Variants in AKT3 observed in about 807,000 individuals in gnomAD.
The protein encoded by AKT3 is RAC-gamma serine/threonine-protein kinase.
In AKT3, 15 loss-of-function variants were observed where a neutral mutation model predicts 65.3. The observed-to-expected ratio is 0.23, with a 90% CI of 0.15 to 0.35. AKT3 has a LOEUF of 0.35. AKT3 is among the 10% of genes least tolerant of loss of function. The pLI is 1.00. For synonymous variants in AKT3, 206 were observed against 183.8 expected, an observed-to-expected ratio of 1.12 and a Z score of -0.98; for missense variants, 243 against 576.5, an observed-to-expected ratio of 0.42 and a Z score of 5.92.
At chr1:243,844,487 AT>A (rs909581675) in intron 1 of AKT3, among the ~76,000 whole-genome samples, 21 of 151,834 alleles carry the variant, frequency 1.4e-4, no homozygotes, top group Non-Finnish European at 2.8e-4. Context: ...TCCAAAAAAA[AT>A]TTTTTTTTGA....
At chr1:243,743,529 C>T (rs1329448684) in intron 2 of AKT3, among the ~76,000 whole-genome samples, 1 of 152,114 alleles carries the variant, frequency 6.6e-6, no homozygotes, top group Non-Finnish European at 1.5e-5. Flanking sequence ...CACAACTTAT[C>T]AAATACAGAG....
intron 8 of AKT3, among the ~76,000 whole-genome samples, chr1:243,597,619 G>C (rs1027736897): frequency 6.6e-6 from 1 of 152,136 alleles, no homozygotes; most frequent in African/African-American, 2.4e-5. Context: ...TCCCACTTCA[G>C]TCTCTCGAGT....
intron 2 of AKT3, among the ~76,000 whole-genome samples, chr1:243,713,079 C>T (rs1030114307): frequency 1.2e-4 from 18 of 152,172 alleles, no homozygotes; most frequent in Admixed American, 9.8e-4. Flanking sequence ...TACCTCACCC[C>T]TAGTGGTAGG....
At chr1:243,772,165 C>T (rs1690226929) in intron 2 of AKT3, among the ~76,000 whole-genome samples, 1 of 152,100 alleles carries the variant, frequency 6.6e-6, no homozygotes, top group Non-Finnish European at 1.5e-5. Context: ...AAAGCAATGG[C>T]AACAAAAGCC....
At chr1:243,688,733 T>C (rs557118624) in intron 3 of AKT3, among the ~76,000 whole-genome samples, 5 of 152,272 alleles carry the variant, frequency 3.3e-5, no homozygotes, top group East Asian at 1.9e-4. Flanking sequence ...TTTAAAAAAA[T>C]TGAATACTGA....
Position 243,695,643 on chromosome 1 carries a change from C to T in AKT3, c.120G>A (p.Glu40=), listed in dbSNP as rs2148025321. 7 of 1,607,560 alleles carry T rather than the reference C, an allele frequency of 4.4e-6. No homozygotes were observed. Among genetic ancestry groups the T allele is most frequent in the East Asian group, 2.2e-5 (1 of 44,532 alleles). Residue 40 remains glutamate (E), a synonymous_variant, in exon 3 of 14, where the codon GAG becomes GAA. Transcript: ENST00000673466. Reference sequence around the variant, plus strand: ...AAGGTAAATCCACATCTTGAGGTTTCTCTTTATATCCTATGAATGAGCCAT... The same window carrying T: ...AAGGTAAATCCACATCTTGAGGTTTTTCTTTATATCCTATGAATGAGCCAT... ...KTDGSFIGYK[E]KPQDVDLPYP...
intron 12 of AKT3, among the ~76,000 whole-genome samples, chr1:243,532,686 T>A (rs919234134): frequency 2.0e-5 from 3 of 152,218 alleles, no homozygotes; most frequent in Non-Finnish European, 1.5e-5. Context: ...GAGTGTTCAC[T>A]CCTCTTCAAA....
intron 4 of AKT3, among the ~76,000 whole-genome samples, chr1:243,652,314 T>A (rs536776378): frequency 6.6e-6 from 1 of 152,170 alleles, no homozygotes; most frequent in East Asian, 1.9e-4. Flanking sequence ...CCTCCCATAG[T>A]GCTGGAATTA....
chr1:243,691,477 G>A (rs1458746817), intron 3 of AKT3, among the ~76,000 whole-genome samples: 1 of 152,284 alleles, frequency 6.6e-6, no homozygotes, highest in Non-Finnish European at 1.5e-5. Flanking sequence ...ACTAGAAACA[G>A]AGAAGCTAGT....
intron 2 of AKT3, among the ~76,000 whole-genome samples, chr1:243,802,310 A>G (rs961416833): frequency 1.3e-5 from 2 of 152,196 alleles, no homozygotes; most frequent in East Asian, 3.8e-4. Flanking sequence ...GCTACATGAC[A>G]TGGTAGCAAA....
chr1:243,542,255 G>A (rs1672372233), intron 12 of AKT3, among the ~76,000 whole-genome samples: 2 of 152,142 alleles, frequency 1.3e-5, no homozygotes, highest in South Asian at 4.1e-4. Context: ...AAGCTTGAAG[G>A]TAGTTAAAGG....
intron 13 of AKT3, among the ~76,000 whole-genome samples, chr1:243,492,295 CTTT>C (rs33950392): frequency 9.8e-4 from 62 of 63,120 alleles, no homozygotes; most frequent in Non-Finnish European, 1.5e-3. Context: ...CGTTTCTTGG[CTTT>C]TTTTTTTTTT....
At chr1:243,564,372 TAAAG>T (rs1475333351) in intron 9 of AKT3, among the ~76,000 whole-genome samples, 2 of 152,148 alleles carry the variant, frequency 1.3e-5, no homozygotes, top group African/African-American at 4.8e-5. Flanking sequence ...TTCTTTGTAA[TAAAG>T]AAATACCAAC....
Position 243,796,247 on chromosome 1 carries a change from G to A in AKT3, c.46+46878C>T, listed in dbSNP as rs565328719. Among the ~76,000 whole-genome samples, 5 of 152,338 alleles carry A rather than the reference G, an allele frequency of 3.3e-5. No homozygotes were observed. In the South Asian group the frequency reaches 1.0e-3, roughly 32 times the overall value. On this transcript the variant is annotated intron_variant, in intron 2 of 13. Coordinates refer to ENST00000673466, the MANE Select transcript of AKT3 (RefSeq NM_005465.7). ...TTAGGCAGGGATTAGGAAATAAGAA[G>A]AGATGTACAGGTGTAGCCAATCTGT...
At chr1:243,532,096 T>C (rs752584458) in intron 12 of AKT3, among the ~76,000 whole-genome samples, 4 of 152,214 alleles carry the variant, frequency 2.6e-5, no homozygotes, top group Non-Finnish European at 4.4e-5. Flanking sequence ...CAAATTTGAT[T>C]GCTTTTTATT....
intron 8 of AKT3, 40 bp downstream of exon 8, chr1:243,613,631 A>G: frequency 7.0e-7 from 1 of 1,429,430 alleles, no homozygotes; most frequent in East Asian, 2.4e-5. Context: ...AAATAATGAA[A>G]ATACTACCAT....
At chr1:243,559,144 C>T (rs1673597265) in intron 10 of AKT3, among the ~76,000 whole-genome samples, 1 of 151,826 alleles carries the variant, frequency 6.6e-6, no homozygotes, top group Admixed American at 6.6e-5. Context: ...AAACAAAATC[C>T]CCTCAAGATA....
At chr1:243,578,938 T>A (rs1399597596) in intron 8 of AKT3, among the ~76,000 whole-genome samples, 1 of 152,176 alleles carries the variant, frequency 6.6e-6, no homozygotes, top group East Asian at 1.9e-4. Context: ...GTAATTATTA[T>A]AAAGCAGAAA....
Position 243,821,833 on chromosome 1 carries a change from G to A in AKT3, c.46+21292C>T, listed in dbSNP as rs895562232. ...AAAGACTCCCATATAATAACAGTGG[G>A]AGACTTTAACACCCCACCATCAATA... is the stretch of plus-strand genomic sequence containing the variant. On this transcript the variant is annotated intron_variant, in intron 2 of 13. Coordinates refer to ENST00000673466, the MANE Select transcript of AKT3 (RefSeq NM_005465.7). Among the ~76,000 whole-genome samples, 98 of 152,270 alleles carry A rather than the reference G, an allele frequency of 6.4e-4. 1 individual carries two copies. Among genetic ancestry groups the A allele is most frequent in the African/African-American group, 2.2e-3 (92 of 41,552 alleles).
Sources: allele counts gnomAD v4.1 joint callset (sites outside exome capture counted in the v4.1 genomes callset), GRCh38; gene constraint gnomAD v4.1.1; transcripts MANE v1.5; gene names NCBI Gene and HGNC (gene_info 2026-07-23, HGNC 2026-07-21).